PTPN3: variants seen among roughly 807,000 people sequenced by gnomAD.
PTPN3 encodes tyrosine-protein phosphatase non-receptor type 3.
A neutral mutation model predicts 132.7 loss-of-function variants in PTPN3; 96 were observed. The ratio of observed to expected loss-of-function variants is 0.72; its 90% CI spans 0.61 to 0.86. The LOEUF (loss-of-function observed/expected upper bound fraction) is 0.86. Among genes scored for constraint, PTPN3 ranks in the 40% least tolerant of loss-of-function variants. The pLI, the probability that PTPN3 is intolerant of heterozygous loss-of-function variation, is 0.00. For synonymous variants in PTPN3, 398 were observed against 429.0 expected (o/e 0.93, Z 0.89); for missense variants, 1,125 against 1,159.6 (o/e 0.97, Z 0.43).
intron 9 of PTPN3, among the ~76,000 whole-genome samples, chr9:109,435,732 T>TA (rs1564439165): frequency 1.3e-5 from 2 of 152,176 alleles, no homozygotes; most frequent in African/African-American, 4.8e-5. Context: ...CTCAGGCAGA[T>TA]ATAAAGCCCT....
At chr9:109,491,096 T>C (rs1362676383) in intron 1 of PTPN3, among the ~76,000 whole-genome samples, 1 of 151,144 alleles carries the variant, frequency 6.6e-6, no homozygotes, top group African/African-American at 2.4e-5. Context: ...CTTGGGAGGC[T>C]GAGACAGGAT....
At chr9:109,438,260 T>A in intron 7 of PTPN3, 26 bp from the exon 8 acceptor site, 5 of 1,598,294 alleles carry the variant, frequency 3.1e-6, no homozygotes, top group Non-Finnish European at 4.3e-6. Context: ...AAGGGGAAAA[T>A]CATAATTAGT....
chr9:109,476,448 A>G (rs1420283299), intron 1 of PTPN3, among the ~76,000 whole-genome samples: 3 of 152,180 alleles, frequency 2.0e-5, no homozygotes, highest in Admixed American at 2.0e-4. Flanking sequence ...AAAAAAAGGA[A>G]ATAATATATG....
chr9:109,466,353 T>C (rs1846099715), intron 1 of PTPN3, among the ~76,000 whole-genome samples: 1 of 152,202 alleles, frequency 6.6e-6, no homozygotes, highest in African/African-American at 2.4e-5. Context: ...CTAAGTAGAA[T>C]GTAGCTAGCT....
At chr9:109,451,530 A>T (rs117771221) in intron 5 of PTPN3, 8,828 of 513,386 alleles carry the variant, frequency 0.017, 110 homozygotes, top group South Asian at 0.043. Context: ...GACCCTGCAC[A>T]TCTAGTTCCC....
chr9:109,513,476 C>A, the PTPN3 span, among the ~76,000 whole-genome samples: 1 of 152,182 alleles, frequency 6.6e-6, no homozygotes, highest in African/African-American at 2.4e-5. Context: ...CACCTGGTTG[C>A]ACTTACCTAA....
chr9:109,514,088 A>AAGAGAG, the PTPN3 span, among the ~76,000 whole-genome samples: 2 of 152,070 alleles, frequency 1.3e-5, no homozygotes, highest in Non-Finnish European at 2.9e-5. Context: ...TCTCTTGCCA[A>AAGAGAG]ACAAAGAAAT....
chr9:109,498,550 A>G (rs577016137), upstream of PTPN3, among the ~76,000 whole-genome samples: 55 of 152,170 alleles, frequency 3.6e-4, no homozygotes, highest in African/African-American at 1.3e-3. This position sits in a 1 kb window ranked among gnomAD's most constrained non-coding sequence, Gnocchi z 4.2. Context: ...CTGGGCACCT[A>G]CTGTGTGCCA....
chr9:109,472,152 A>C (rs892216088), intron 1 of PTPN3, among the ~76,000 whole-genome samples: 1 of 152,248 alleles, frequency 6.6e-6, no homozygotes, highest in Non-Finnish European at 1.5e-5. Context: ...TAGAGAAGAA[A>C]GCAACAGGAA....
intron 6 of PTPN3, among the ~76,000 whole-genome samples, chr9:109,446,799 C>T (rs945040641): frequency 6.6e-5 from 10 of 152,356 alleles, no homozygotes; most frequent in African/African-American, 2.4e-4. Flanking sequence ...CTGCTCTCAA[C>T]TTGGCCGCAT....
the PTPN3 span, among the ~76,000 whole-genome samples, chr9:109,516,404 A>T: frequency 6.6e-6 from 1 of 152,236 alleles, no homozygotes; most frequent in Admixed American, 6.5e-5. Flanking sequence ...TTCAAGGACA[A>T]GATGATACTT....
chr9:109,521,146 A>T, the PTPN3 span, among the ~76,000 whole-genome samples: 6 of 152,094 alleles, frequency 3.9e-5, no homozygotes, highest in Middle Eastern at 3.2e-3. Context: ...TTGCAGCCAG[A>T]GGGGGATGTT....
intron 25 of PTPN3, 25 bp downstream of exon 25, chr9:109,381,627 C>T (rs779057441): frequency 3.5e-5 from 56 of 1,613,666 alleles, no homozygotes; most frequent in Non-Finnish European, 4.7e-5. Flanking sequence ...GTGCCAGCCA[C>T]CGTAATTACT....
At chr9:109,510,694 ACGTG>A in the PTPN3 span, among the ~76,000 whole-genome samples, 10 of 149,998 alleles carry the variant, frequency 6.7e-5, no homozygotes, top group African/African-American at 2.5e-4. Context: ...GATTGTAATC[ACGTG>A]GGAAAATGCT....
chr9:109,454,446 G>T (rs1394358775), intron 5 of PTPN3, 50 bp downstream of exon 5: 2 of 1,439,720 alleles, frequency 1.4e-6, no homozygotes, highest in Admixed American at 1.7e-5. Context: ...ATTTTTAGTG[G>T]TTACTCATTT....
chr9:109,382,751 GTTTT>G (rs113019092), intron 23 of PTPN3, among the ~76,000 whole-genome samples: 2 of 127,172 alleles, frequency 1.6e-5, no homozygotes, highest in East Asian at 2.3e-4. Context: ...CATGCTGACT[GTTTT>G]TTTTTTTTTT....
At chr9:109,424,771 G>A (rs1843122156) in intron 12 of PTPN3, among the ~76,000 whole-genome samples, 1 of 152,190 alleles carries the variant, frequency 6.6e-6, no homozygotes, top group Non-Finnish European at 1.5e-5. Flanking sequence ...GCCCTTCTAG[G>A]ATTCCTGACT....
At chr9:109,445,978 A>G (rs770105374) in intron 6 of PTPN3, among the ~76,000 whole-genome samples, 2 of 152,130 alleles carry the variant, frequency 1.3e-5, no homozygotes, top group Non-Finnish European at 1.5e-5. Context: ...CTGCTTTCCC[A>G]GGTGCCCTGT....
intron 1 of PTPN3, among the ~76,000 whole-genome samples, chr9:109,495,755 T>C (rs1229408125): frequency 1.3e-5 from 2 of 152,214 alleles, no homozygotes; most frequent in Non-Finnish European, 2.9e-5. Flanking sequence ...TGAATGAGAA[T>C]GCTTAAAACT....
Sources: allele counts gnomAD v4.1 joint callset (sites outside exome capture counted in the v4.1 genomes callset), GRCh38; gene constraint gnomAD v4.1.1; non-coding constraint Gnocchi (gnomAD v3.1); transcripts MANE v1.5; gene names NCBI Gene and HGNC (gene_info 2026-07-23, HGNC 2026-07-21).